Variants in MED23 observed in about 807,000 individuals in gnomAD.
MED23 encodes mediator complex subunit 23.
Under a neutral mutation model 163.9 loss-of-function variants are expected in MED23, and 105 were observed. That is an observed-to-expected ratio of 0.64 (90% CI 0.55 to 0.75). The LOEUF (loss-of-function observed/expected upper bound fraction) is 0.75. Among genes scored for constraint, MED23 ranks in the 30% least tolerant of loss-of-function variants. The pLI, the probability that MED23 is intolerant of heterozygous loss-of-function variation, is 0.00. For missense variants in MED23, 1,054 were observed against 1,649.0 expected (o/e 0.64, Z 6.25); for synonymous variants, 561 against 565.6 (o/e 0.99, Z 0.12).
intron 24 of MED23, 140 bp downstream of exon 24, chr6:131,592,866 C>G (rs1774749437): frequency 9.8e-7 from 1 of 1,023,608 alleles, no homozygotes; most frequent in East Asian, 2.6e-5. Context: ...ATCACAAAGA[C>G]AAGATCTGGA....
intron 14 of MED23, 137 bp from the exon 15 acceptor site, chr6:131,604,457 G>T: frequency 9.8e-7 from 1 of 1,020,024 alleles, no homozygotes; most frequent in Non-Finnish European, 1.5e-6. Context: ...ATGTGTTTAA[G>T]CTGTGCAGGA....
At position 131,627,419 on chromosome 6, in the gene MED23, G is replaced by T; in HGVS notation, c.136C>A (p.Gln46Lys). Residue 46 changes from glutamine to lysine, a missense_variant, in exon 3 of 29, where the codon CAG (glutamine) becomes AAG (lysine). Coordinates refer to ENST00000368068, the MANE Select transcript of MED23 (RefSeq NM_004830.4). ...ACCTGAGAAAGACCACCCCAAAACT[G>T]TCTGAAGGCCCCCAAACAGCTAATT... ...KLISCLGAFRQFWGGLSQESH... is the reference protein window; with the variant it reads ...KLISCLGAFRKFWGGLSQESH... 2 of 1,612,524 alleles carry T rather than the reference G, an allele frequency of 1.2e-6. No individual in the cohort carries two copies. Among genetic ancestry groups the T allele is most frequent in the Non-Finnish European group, 1.7e-6 (2 of 1,179,736 alleles).
chr6:131,604,114 G>T, intron 15 of MED23, 64 bp downstream of exon 15: 1 of 1,571,966 alleles, frequency 6.4e-7, no homozygotes, highest in South Asian at 1.1e-5. Flanking sequence ...CCAGGACCTA[G>T]AAAAGTAACT....
chr6:131,606,712 T>A, intron 12 of MED23, 88 bp from the exon 13 acceptor site: 2 of 1,148,682 alleles, frequency 1.7e-6, no homozygotes, highest in Non-Finnish European at 2.5e-6. Context: ...ATTTCTAATA[T>A]AACTCTTTTT....
At chr6:131,607,368 A>C (rs1490280779) in intron 12 of MED23, among the ~76,000 whole-genome samples, 1 of 151,956 alleles carries the variant, frequency 6.6e-6, no homozygotes, top group Non-Finnish European at 1.5e-5. Flanking sequence ...AACACGGCGA[A>C]ACCCTGTCTC....
downstream of MED23, among the ~76,000 whole-genome samples, chr6:131,585,510 G>T (rs1774145789): frequency 6.6e-6 from 1 of 152,140 alleles, no homozygotes; most frequent in Non-Finnish European, 1.5e-5. Context: ...CTCACTCTAA[G>T]ATATATTCTC....
intron 5 of MED23, among the ~76,000 whole-genome samples, chr6:131,622,573 T>C (rs1585570034): frequency 6.6e-6 from 1 of 152,222 alleles, no homozygotes; most frequent in African/African-American, 2.4e-5. Flanking sequence ...ATGAACTACG[T>C]AACCAAGCTT....
At chr6:131,626,291 C>T (rs1777496954) in intron 3 of MED23, among the ~76,000 whole-genome samples, 1 of 151,544 alleles carries the variant, frequency 6.6e-6, no homozygotes, top group Admixed American at 6.6e-5. Flanking sequence ...ATTTTTCATG[C>T]ATAATATTAT....
At position 131,595,952 on chromosome 6, in the gene MED23, A is replaced by G; in HGVS notation, c.2990T>C (p.Phe997Ser). The G allele has an allele frequency of 6.2e-7, 1 of 1,613,252 alleles. No homozygotes were observed. Among genetic ancestry groups the G allele is most frequent in the Non-Finnish European group, 8.5e-7 (1 of 1,179,372 alleles). Reference protein sequence around the residue: ...LLDHLGGLYKFHDRPVTYLYN... With the variant: ...LLDHLGGLYKSHDRPVTYLYN... ...TAAAATTGGAAAAAGCTCACCATGA[A>G]ATTTATATAAGCCTCCTAGATGATC... The change falls in exon 22 of 29, where the codon TTT (phenylalanine) becomes TCT (serine). Residue 997 changes from phenylalanine (F) to serine (S), a missense_variant. Transcript: ENST00000368068.
Position 131,627,427 on chromosome 6 carries a change from G to T in MED23, c.128C>A (p.Ala43Asp), listed in dbSNP as rs1218736984. The T allele has an allele frequency of 6.2e-7, 1 of 1,612,800 alleles. No individual in the cohort carries two copies. Among genetic ancestry groups the T allele is most frequent in the Non-Finnish European group, 8.5e-7 (1 of 1,179,794 alleles). The change falls in exon 3 of 29, where the codon GCC becomes GAC. Residue 43 changes from alanine to aspartate, a missense_variant. This residue lies in a region of MED23 where 227 missense variants were observed against 235.5 expected (regional missense o/e 0.96). Transcript: ENST00000368068. ...EKTKLISCLGAFRQFWGGLSQ... is the reference protein window; with the variant it reads ...EKTKLISCLGDFRQFWGGLSQ... ...AAGACCACCCCAAAACTGTCTGAAG[G>T]CCCCCAAACAGCTAATTAGTTTTGT...
intron 3 of MED23, chr6:131,627,130 A>C: frequency 4.0e-5 from 14 of 349,726 alleles, no homozygotes; most frequent in Non-Finnish European, 5.2e-5. Context: ...GATGAAAATG[A>C]TCTCAATTAA....
intron 12 of MED23, 29 bp downstream of exon 12, chr6:131,607,899 G>T (rs1175255083): frequency 6.2e-7 from 1 of 1,610,414 alleles, no homozygotes; most frequent in South Asian, 1.1e-5. Context: ...TCATCATGTT[G>T]TTATGAATAG....
intron 3 of MED23, among the ~76,000 whole-genome samples, chr6:131,625,297 G>T (rs1225834856): frequency 6.6e-6 from 1 of 152,180 alleles, no homozygotes; most frequent in Non-Finnish European, 1.5e-5. Context: ...ACAGATTGTT[G>T]TAAGGCATTG....
chr6:131,592,555 G>A, intron 24 of MED23, 95 bp from the exon 25 acceptor site: 13 of 1,074,978 alleles, frequency 1.2e-5, no homozygotes, highest in Non-Finnish European at 1.8e-5. Context: ...GTCTAATTCA[G>A]AGGATCGACA....
Position 131,618,408 on chromosome 6 carries a change from T to G in MED23, c.779A>C (p.Lys260Thr). Residue 260 changes from lysine (K) to threonine (T), a missense_variant and splice_region_variant, in exon 9 of 29, where the codon AAG (lysine) becomes ACG (threonine). By Grantham distance (78) the Lys-to-Thr change is moderately conservative. This residue lies in a region of MED23 where 54 missense variants were observed against 79.7 expected (regional missense o/e 0.68). Coordinates refer to ENST00000368068, the MANE Select transcript of MED23 (RefSeq NM_004830.4). ...FPLKGLLPYD[K>T]DLFEPQTALL... is the part of the protein sequence containing the mutation. ...GTGCCATTATATTTAGCAACATACC[T>G]TATCATATGGCAAAAGGCCTTTCAA... 1 of 1,607,216 alleles carries G rather than the reference T, an allele frequency of 6.2e-7. No individual in the cohort carries two copies. Among genetic ancestry groups the G allele is most frequent in the Non-Finnish European group, 8.5e-7 (1 of 1,173,886 alleles).
At chr6:131,583,020 A>C, downstream of MED23, 1 of 1,428,416 alleles carries the variant, frequency 7.0e-7, no homozygotes, top group Non-Finnish European at 9.8e-7. Flanking sequence ...GGGCACAGTC[A>C]GCCTTATTAA....
intron 6 of MED23, 38 bp downstream of exon 6, chr6:131,621,843 G>C (rs1383372333): frequency 1.4e-6 from 2 of 1,405,798 alleles, no homozygotes; most frequent in Non-Finnish European, 2.0e-6. Flanking sequence ...AGACTTTTTT[G>C]AGGTTATGAT....
intron 6 of MED23, 122 bp downstream of exon 6, chr6:131,621,759 T>C (rs1030165662): frequency 2.0e-6 from 1 of 488,594 alleles, no homozygotes; most frequent in African/African-American, 2.0e-5. Flanking sequence ...ATAGAAGTGA[T>C]TTTTTTTTGG....
chr6:131,575,651 A>C (rs1392018853), intron 30 of MED23, among the ~76,000 whole-genome samples: 1 of 152,222 alleles, frequency 6.6e-6, no homozygotes, highest in Non-Finnish European at 1.5e-5. Context: ...CGTGTCTTTT[A>C]ACACATTGTC....
Sources: allele counts gnomAD v4.1 joint callset (sites outside exome capture counted in the v4.1 genomes callset), GRCh38; gene constraint gnomAD v4.1.1; regional missense constraint gnomAD v4.1.1; transcripts MANE v1.5; gene names NCBI Gene and HGNC (gene_info 2026-07-23, HGNC 2026-07-21).